Variants in SORCS1 observed in about 807,000 individuals in gnomAD.
The protein encoded by SORCS1 is VPS10 domain-containing receptor SorCS1.
In SORCS1, 60 loss-of-function variants were observed where a neutral mutation model predicts 146.1. That is an observed-to-expected ratio of 0.41 (90% CI 0.33 to 0.51). The LOEUF is 0.51. SORCS1 is among the 20% of genes least tolerant of loss of function. The probability of loss-of-function intolerance (pLI) is 0.21; values close to 1 mark genes in which losing one functional copy is unlikely to be tolerated. For missense variants in SORCS1, 1,352 were observed against 1,487.6 expected, an observed-to-expected ratio of 0.91 and a Z score of 1.50; for synonymous variants, 637 against 584.0, an observed-to-expected ratio of 1.09 and a Z score of -1.31.
intron 3 of SORCS1, among the ~76,000 whole-genome samples, chr10:106,802,426 G>C (rs1461001198): frequency 6.6e-6 from 1 of 152,026 alleles, no homozygotes; most frequent in Non-Finnish European, 1.5e-5. Flanking sequence ...CTGCCTCCCG[G>C]GTTCAAACAA....
intron 1 of SORCS1, among the ~76,000 whole-genome samples, chr10:107,016,534 C>T (rs1419930693): frequency 2.6e-5 from 4 of 151,896 alleles, no homozygotes; most frequent in Non-Finnish European, 5.9e-5. Flanking sequence ...AATTATAGGT[C>T]GATTGTACAT....
chr10:107,022,591 A>G lies in SORCS1; in HGVS notation c.559-66011T>C, dbSNP rs117490890. ...TAGCATGTCTAACACCTCCACTGTTATGTCTAACAATAAGGCAGCGGACAC... is the reference window on the plus strand; with the variant it reads ...TAGCATGTCTAACACCTCCACTGTTGTGTCTAACAATAAGGCAGCGGACAC... On this transcript the variant is annotated intron_variant, in intron 1 of 25. Coordinates refer to ENST00000263054, the MANE Select transcript of SORCS1 (RefSeq NM_052918.5). Among the ~76,000 whole-genome samples the G allele has an allele frequency of 1.3e-3, 200 of 152,240 alleles. 1 individual carries two copies. The East Asian group carries it at 0.038, about 29-fold the overall frequency.
chr10:106,798,718 T>C (rs1946717035), intron 3 of SORCS1, among the ~76,000 whole-genome samples: 1 of 152,184 alleles, frequency 6.6e-6, no homozygotes, highest in Non-Finnish European at 1.5e-5. Context: ...TCCAAGTCTT[T>C]GCTATTGTGA....
chr10:107,076,961 T>C (rs1185823165), intron 1 of SORCS1, among the ~76,000 whole-genome samples: 3 of 152,206 alleles, frequency 2.0e-5, no homozygotes, highest in African/African-American at 7.2e-5. Flanking sequence ...TGCTCACATC[T>C]GATATGCACA....
chr10:107,121,442 TACAATG>T (rs1966406641), intron 1 of SORCS1, among the ~76,000 whole-genome samples: 1 of 152,202 alleles, frequency 6.6e-6, no homozygotes, highest in Non-Finnish European at 1.5e-5. Flanking sequence ...ACAAAATTCA[TACAATG>T]ACATCTTTGG....
chr10:106,870,833 C>A (rs1035474958), intron 2 of SORCS1, among the ~76,000 whole-genome samples: 1 of 151,994 alleles, frequency 6.6e-6, no homozygotes, highest in African/African-American at 2.4e-5. Flanking sequence ...CAAACATTGA[C>A]AAATTGAATC....
At chr10:107,148,389 G>A (rs1017228478) in intron 1 of SORCS1, among the ~76,000 whole-genome samples, 1 of 152,194 alleles carries the variant, frequency 6.6e-6, no homozygotes, top group African/African-American at 2.4e-5. Flanking sequence ...CAATGAATGA[G>A]TGTGGCCATG....
At chr10:106,995,608 G>A (rs562222063) in intron 1 of SORCS1, among the ~76,000 whole-genome samples, 53 of 152,228 alleles carry the variant, frequency 3.5e-4, no homozygotes, top group African/African-American at 1.2e-3. Flanking sequence ...AAAGTTATCC[G>A]AAGTGTTGCT....
At chr10:106,829,754 G>C in intron 2 of SORCS1, 81 bp from the exon 3 acceptor site, 1 of 982,532 alleles carries the variant, frequency 1.0e-6, no homozygotes, top group Admixed American at 1.8e-5. Flanking sequence ...GCTTTACACA[G>C]TAGAATGGCT....
At chr10:106,595,996 T>C (rs556309742) in intron 24 of SORCS1, among the ~76,000 whole-genome samples, 2 of 152,348 alleles carry the variant, frequency 1.3e-5, no homozygotes, top group South Asian at 4.1e-4. Flanking sequence ...CTAAGTGCAT[T>C]ACCTGAATTA....
chr10:107,096,613 G>C (rs892215779), intron 1 of SORCS1, among the ~76,000 whole-genome samples: 1 of 152,126 alleles, frequency 6.6e-6, no homozygotes, highest in Non-Finnish European at 1.5e-5. Flanking sequence ...CTGGGTTCAA[G>C]CGATTCTCCT....
chr10:106,607,732 T>C (rs1337482467), intron 22 of SORCS1, among the ~76,000 whole-genome samples: 2 of 152,154 alleles, frequency 1.3e-5, no homozygotes, highest in Non-Finnish European at 2.9e-5. Flanking sequence ...TGAGAAGACC[T>C]TCACTTTATC....
intron 1 of SORCS1, among the ~76,000 whole-genome samples, chr10:106,968,164 C>T (rs918588509): frequency 7.3e-5 from 11 of 151,706 alleles, no homozygotes; most frequent in Admixed American, 1.3e-4. Context: ...GAGCCGAGAT[C>T]GCGCCACTGC....
chr10:106,620,410 T>C lies in SORCS1; in HGVS notation c.2796+18A>G. 6.2e-7 allele frequency: 1 copy of C among 1,607,288 alleles called. No homozygotes were observed. The highest frequency in any genetic ancestry group is 8.5e-7 in the Non-Finnish European group (1 of 1,175,368). Reference sequence around the variant, plus strand: ...ATTGAGCTTCTGTCCCTAGATCGCATGTGGAAGGTGAACCCACCTCCGTGT... The same window carrying C: ...ATTGAGCTTCTGTCCCTAGATCGCACGTGGAAGGTGAACCCACCTCCGTGT... On this transcript the variant is annotated intron_variant, in intron 20 of 25. Transcript: ENST00000263054.
Position 106,577,551 on chromosome 10 carries a change from C to T in SORCS1, c.3376G>A (p.Val1126Ile). The T allele has an allele frequency of 6.2e-7, 1 of 1,610,622 alleles. No homozygotes were observed. The highest frequency in any genetic ancestry group is 8.5e-7 in the Non-Finnish European group (1 of 1,177,894). The change falls in exon 26 of 26, where the codon GTA becomes ATA. Residue 1126 changes from valine (V) to isoleucine (I), a missense_variant. Around this residue, in one of 3 missense-constraint regions of SORCS1, gnomAD observed 214 missense variants for 204.8 expected, o/e 1.05. Transcript: ENST00000263054. ...VFVIYKFKRR[V>I]ALPSPPSPST... The stretch of plus-strand genomic sequence containing the variant: ...GGGGAGGGAGGGGAGGGTAAAGCTA[C>T]TCTCCTAAGAGAAAACGTGTAACAC...
chr10:106,934,555 G>A (rs371823615), intron 2 of SORCS1, among the ~76,000 whole-genome samples: 6 of 152,142 alleles, frequency 3.9e-5, no homozygotes, highest in East Asian at 1.9e-4. Flanking sequence ...CACTGCACCC[G>A]GCCAGTATGG....
intron 1 of SORCS1, among the ~76,000 whole-genome samples, chr10:106,996,225 T>TAAAAAAA (rs376245294): frequency 2.0e-5 from 2 of 99,678 alleles, no homozygotes; most frequent in African/African-American, 4.2e-5. Context: ...AGACTCCATC[T>TAAAAAAA]AAAAAAAAAA....
At chr10:106,616,501 A>G (rs1313973287) in intron 21 of SORCS1, among the ~76,000 whole-genome samples, 2 of 152,182 alleles carry the variant, frequency 1.3e-5, no homozygotes, top group Admixed American at 1.3e-4. Context: ...GTTGTTATGA[A>G]GAATAAATGC....
chr10:106,601,035 C>T (rs1846208831), intron 23 of SORCS1, among the ~76,000 whole-genome samples: 1 of 152,200 alleles, frequency 6.6e-6, no homozygotes, highest in Non-Finnish European at 1.5e-5. Context: ...TAACACCATC[C>T]TCAGAGGGGC....
Sources: allele counts gnomAD v4.1 joint callset (sites outside exome capture counted in the v4.1 genomes callset), GRCh38; gene constraint gnomAD v4.1.1; regional missense constraint gnomAD v4.1.1; transcripts MANE v1.5; gene names NCBI Gene and HGNC (gene_info 2026-07-23, HGNC 2026-07-21).